The following MAP7 variants were observed in gnomAD, a reference collection of about 807,000 sequenced individuals.
The protein encoded by MAP7 is ensconsin.
A neutral mutation model predicts 94.8 loss-of-function variants in MAP7; 52 were observed. The observed-to-expected ratio is 0.55, with a 90% confidence interval of 0.44 to 0.69. The LOEUF is 0.69. Among genes scored for constraint, MAP7 ranks in the 30% least tolerant of loss-of-function variants. The pLI is 0.00. For synonymous variants in MAP7, 350 were observed against 357.0 expected (o/e 0.98, Z 0.22); for missense variants, 940 against 964.6 (o/e 0.97, Z 0.34).
chr6:136,538,939 GC>G (rs1410319231), intron 1 of MAP7, among the ~76,000 whole-genome samples: 3 of 152,030 alleles, frequency 2.0e-5, no homozygotes, highest in Non-Finnish European at 4.4e-5. Flanking sequence ...CATCCCAAGT[GC>G]TTTAATGATG....
At chr6:136,400,437 G>A (rs1327402051) in intron 3 of MAP7, among the ~76,000 whole-genome samples, 2 of 150,878 alleles carry the variant, frequency 1.3e-5, no homozygotes, top group Admixed American at 1.3e-4. Context: ...AAAAAGAGTT[G>A]GGGGAAACAA....
chr6:136,456,955 A>G (rs1803458142), intron 1 of MAP7, among the ~76,000 whole-genome samples: 1 of 151,928 alleles, frequency 6.6e-6, no homozygotes. Context: ...GCAAGGAAGT[A>G]ATAATGATCA....
At chr6:136,440,545 T>C (rs1023162217) in intron 1 of MAP7, among the ~76,000 whole-genome samples, 1 of 152,226 alleles carries the variant, frequency 6.6e-6, no homozygotes, top group Non-Finnish European at 1.5e-5. Context: ...TTAACTTATT[T>C]TGTAAATGAA....
intron 8 of MAP7, among the ~76,000 whole-genome samples, chr6:136,371,025 G>C (rs1774319393): frequency 6.6e-6 from 1 of 152,030 alleles, no homozygotes; most frequent in South Asian, 2.1e-4. Flanking sequence ...CCACAGTGCA[G>C]CTCCAGGGTA....
At chr6:136,401,714 G>C (rs1784133378) in intron 3 of MAP7, among the ~76,000 whole-genome samples, 1 of 151,430 alleles carries the variant, frequency 6.6e-6, no homozygotes, top group African/African-American at 2.4e-5. Context: ...ACACCAACGT[G>C]GCACATGTAT....
In MAP7 at chr6:136,401,374, A is replaced by G. The variant is rs1449394720; in HGVS notation, c.244+10246T>C. Reference sequence around the variant, plus strand: ...CTATTCACAATAGCAAAGACTTGGAACCAACCCAAATGTCCATCAATGATA... The same window carrying G: ...CTATTCACAATAGCAAAGACTTGGAGCCAACCCAAATGTCCATCAATGATA... On this transcript the variant is annotated intron_variant, in intron 3 of 17. Transcript: ENST00000354570. 3.3e-5 allele frequency among the ~76,000 whole-genome samples: 5 copies of G among 152,162 alleles called. No individual in the cohort carries two copies. The South Asian group carries it at 8.3e-4, about 25-fold the overall frequency.
intron 11 of MAP7, 65 bp from the exon 12 acceptor site, chr6:136,361,244 T>G: frequency 6.4e-7 from 1 of 1,559,244 alleles, no homozygotes; most frequent in Non-Finnish European, 8.7e-7. Context: ...AAGAGAGGCC[T>G]CCGTCGGTGG....
chr6:136,360,839 G>C, intron 12 of MAP7, 41 bp from the exon 13 acceptor site: 1 of 1,601,006 alleles, frequency 6.2e-7, no homozygotes, highest in Non-Finnish European at 8.5e-7. Flanking sequence ...ACAAACAGGC[G>C]GGCTGCCCGG....
chr6:136,407,649 T>C (rs942669737), intron 3 of MAP7, among the ~76,000 whole-genome samples: 1 of 152,114 alleles, frequency 6.6e-6, no homozygotes, highest in African/African-American at 2.4e-5. Context: ...TAGTTGATAG[T>C]AGATAGTTGA....
intron 16 of MAP7, among the ~76,000 whole-genome samples, chr6:136,350,014 A>C (rs1206796136): frequency 6.6e-6 from 1 of 152,208 alleles, no homozygotes; most frequent in Non-Finnish European, 1.5e-5. Context: ...CACAGCATTC[A>C]TTTATTTACG....
At chr6:136,428,457 T>C (rs895576457) in intron 1 of MAP7, among the ~76,000 whole-genome samples, 10 of 152,010 alleles carry the variant, frequency 6.6e-5, no homozygotes, top group Non-Finnish European at 1.5e-4. Flanking sequence ...GAAGTGGAGA[T>C]TGCAGTGATC....
chr6:136,459,039 A>T (rs1804305720), intron 1 of MAP7, among the ~76,000 whole-genome samples: 1 of 152,168 alleles, frequency 6.6e-6, no homozygotes, highest in Non-Finnish European at 1.5e-5. Flanking sequence ...AGGAACTCTT[A>T]CAACTCAACA....
chr6:136,409,313 C>T (rs1284632308), intron 3 of MAP7, among the ~76,000 whole-genome samples: 3 of 151,620 alleles, frequency 2.0e-5, no homozygotes, highest in African/African-American at 7.3e-5. Flanking sequence ...CCAAGGAGGT[C>T]GAGGCTGTAG....
intron 1 of MAP7, among the ~76,000 whole-genome samples, chr6:136,522,654 T>G (rs1054701210): frequency 3.3e-5 from 5 of 152,186 alleles, no homozygotes; most frequent in African/African-American, 1.2e-4. Context: ...AAAGAAAAGT[T>G]TCTGATTGTG....
intron 1 of MAP7, chr6:136,526,217 T>G: frequency 1.7e-6 from 2 of 1,191,952 alleles, no homozygotes; most frequent in East Asian, 4.5e-5. Flanking sequence ...TCCCACTGAC[T>G]CCCCGACAGG....
At chr6:136,472,606 C>T (rs1809411153) in intron 1 of MAP7, among the ~76,000 whole-genome samples, 1 of 152,108 alleles carries the variant, frequency 6.6e-6, no homozygotes, top group Non-Finnish European at 1.5e-5. Flanking sequence ...AATACACTCT[C>T]CTCAGTGAGT....
intron 1 of MAP7, among the ~76,000 whole-genome samples, chr6:136,539,829 A>C (rs1829165131): frequency 6.6e-6 from 1 of 152,108 alleles, no homozygotes; most frequent in Non-Finnish European, 1.5e-5. Context: ...AAATAAACAA[A>C]ATTAGCCAGG....
At chr6:136,523,788 T>C (rs1369564582) in intron 1 of MAP7, among the ~76,000 whole-genome samples, 2 of 152,158 alleles carry the variant, frequency 1.3e-5, no homozygotes, top group African/African-American at 4.8e-5. Flanking sequence ...AACTCCTTGA[T>C]TAAGTCTCTC....
intron 1 of MAP7, among the ~76,000 whole-genome samples, chr6:136,535,102 G>A (rs1221568931): frequency 5.9e-5 from 9 of 152,314 alleles, no homozygotes; most frequent in Admixed American, 5.9e-4. Flanking sequence ...AACCCCCAAT[G>A]TTGGAGGTGG....
Sources: gnomAD v4.1 joint callset for allele counts (sites outside exome capture counted in the v4.1 genomes callset) on GRCh38, gnomAD v4.1.1 for gene constraint, MANE v1.5 for transcripts, NCBI Gene and HGNC (gene_info 2026-07-23, HGNC 2026-07-21) for gene names.